Variants in ARHGEF3 observed in about 807,000 individuals in gnomAD.
The protein encoded by ARHGEF3 is Rho guanine nucleotide exchange factor 3.
A neutral mutation model predicts 63.2 loss-of-function variants in ARHGEF3; 28 were observed. The ratio of observed to expected loss-of-function variants is 0.44; its 90% CI spans 0.33 to 0.61. The LOEUF (loss-of-function observed/expected upper bound fraction) is 0.61. ARHGEF3 is among the 20% of genes least tolerant of loss of function. The pLI, the probability that ARHGEF3 is intolerant of heterozygous loss-of-function variation, is 0.03. For missense variants in ARHGEF3, 533 were observed against 659.3 expected (o/e 0.81, Z 2.10); for synonymous variants, 266 against 254.2 (o/e 1.05, Z -0.44).
In ARHGEF3 at chr3:56,977,953, C is replaced by A. The variant is rs1292084217; in HGVS notation, c.63-19064G>T. 2.6e-5 allele frequency among the ~76,000 whole-genome samples: 4 copies of A among 152,136 alleles called. No individual in the cohort carries two copies. In the South Asian group the frequency reaches 8.3e-4, roughly 32 times the overall value. On this transcript the variant is annotated intron_variant, in intron 2 of 12. Coordinates refer to the ARHGEF3 transcript ENST00000338458. ...AAAGAGCAGAAGCCCCTCAGCCTCCCGTCACTGCCCTTCCAGCTCAACAGC... is the reference window on the plus strand; with the variant it reads ...AAAGAGCAGAAGCCCCTCAGCCTCCAGTCACTGCCCTTCCAGCTCAACAGC...
intron 1 of ARHGEF3, chr3:57,075,475 AG>A (rs915596050): frequency 1.0e-4 from 17 of 164,024 alleles, no homozygotes; most frequent in African/African-American, 4.1e-4. Flanking sequence ...AATTAGGAAC[AG>A]TCTTGCCAGT....
In ARHGEF3 at chr3:56,943,477, C is replaced by G. The variant is rs555157771; in HGVS notation, c.129+15346G>C. On this transcript the variant is annotated intron_variant, in intron 3 of 12. Transcript: ENST00000338458. ...ATTACTTTTAAAATATTACTGCTCA[C>G]TGACAATGCATCTGGTCACCCGAGA... is the stretch of plus-strand genomic sequence containing the variant. Among the ~76,000 whole-genome samples, 93 of 152,330 alleles carry G rather than the reference C, an allele frequency of 6.1e-4. 1 individual carries two copies. Among genetic ancestry groups the G allele is most frequent in the Non-Finnish European group, 8.1e-4 (55 of 68,034 alleles).
chr3:56,748,549 ATTT>A (rs71072193), intron 6 of ARHGEF3, among the ~76,000 whole-genome samples: 7,105 of 136,634 alleles, frequency 0.052, 175 homozygotes, highest in Middle Eastern at 0.095. Flanking sequence ...GAAAAAATCT[ATTT>A]TTTTTTTTTT....
chr3:56,941,791 T>TA (rs1434320645), intron 3 of ARHGEF3, among the ~76,000 whole-genome samples: 2 of 152,188 alleles, frequency 1.3e-5, no homozygotes, highest in African/African-American at 4.8e-5. Flanking sequence ...TATTAATATA[T>TA]TTTTTCCCCG....
chr3:56,832,934 C>G (rs1266477858), intron 4 of ARHGEF3, among the ~76,000 whole-genome samples: 1 of 152,204 alleles, frequency 6.6e-6, no homozygotes, highest in African/African-American at 2.4e-5. Context: ...TAAGGTTCAT[C>G]CATGTTGTAG....
intron 1 of ARHGEF3, among the ~76,000 whole-genome samples, chr3:57,039,955 CA>C (rs1237019741): frequency 2.6e-5 from 4 of 152,134 alleles, no homozygotes; most frequent in African/African-American, 7.2e-5. Flanking sequence ...GGGATTAGGT[CA>C]GAAACATCTT....
chr3:56,894,552 G>A (rs2041236213), intron 3 of ARHGEF3, among the ~76,000 whole-genome samples: 1 of 152,064 alleles, frequency 6.6e-6, no homozygotes, highest in African/African-American at 2.4e-5. Context: ...CACTTTGGGA[G>A]GCCAAGCAGG....
At chr3:56,785,926 G>A (rs1467363309) in intron 1 of ARHGEF3, among the ~76,000 whole-genome samples, 1 of 152,178 alleles carries the variant, frequency 6.6e-6, no homozygotes, top group East Asian at 1.9e-4. Flanking sequence ...GTTGGTTTCC[G>A]TTTTTGACAA....
chr3:56,887,327 C>T (rs1172039597), intron 3 of ARHGEF3, among the ~76,000 whole-genome samples: 2 of 152,168 alleles, frequency 1.3e-5, no homozygotes, highest in African/African-American at 4.8e-5. Flanking sequence ...TAGAATAACC[C>T]CATTTCCTTC....
chr3:56,932,914 T>A (rs1009767795), intron 3 of ARHGEF3, among the ~76,000 whole-genome samples: 1 of 152,216 alleles, frequency 6.6e-6, no homozygotes, highest in African/African-American at 2.4e-5. Context: ...TCTTCTTTTA[T>A]CCTTCCAAAC....
intron 1 of ARHGEF3, among the ~76,000 whole-genome samples, chr3:57,054,086 T>C (rs11710867): frequency 0.077 from 11,703 of 152,222 alleles, 698 homozygotes; most frequent in East Asian, 0.3. Context: ...TCAAAATGAT[T>C]TTCCAAAATG....
At chr3:57,063,520 C>T (rs925209397) in intron 1 of ARHGEF3, among the ~76,000 whole-genome samples, 3 of 152,052 alleles carry the variant, frequency 2.0e-5, no homozygotes, top group Admixed American at 1.3e-4. Context: ...CAAGTAGAGT[C>T]TTTTGACAAG....
At chr3:57,027,781 C>A (rs1703535223) in intron 2 of ARHGEF3, among the ~76,000 whole-genome samples, 1 of 152,122 alleles carries the variant, frequency 6.6e-6, no homozygotes, top group Non-Finnish European at 1.5e-5. Context: ...ATCGCTTGAA[C>A]CTGGGAGGTG....
chr3:56,827,135 T>G (rs1200664597), intron 4 of ARHGEF3, among the ~76,000 whole-genome samples: 1 of 152,182 alleles, frequency 6.6e-6, no homozygotes, highest in Non-Finnish European at 1.5e-5. Context: ...AAAATCACTT[T>G]AAACACTTTT....
In ARHGEF3 at chr3:56,923,647, G is replaced by C. The variant is rs1012548762; in HGVS notation, c.129+35176C>G. Among the ~76,000 whole-genome samples the C allele has an allele frequency of 7.9e-5, 12 of 151,970 alleles. No individual in the cohort carries two copies. The East Asian group carries it at 2.3e-3, about 29-fold the overall frequency. On this transcript the variant is annotated intron_variant, in intron 3 of 12. Transcript: ENST00000338458. ...TGAAATCCCTGTATCCATCTAGAAAGTTCAAGACTTTTATGAAAATACCCC... is the reference window on the plus strand; with the variant it reads ...TGAAATCCCTGTATCCATCTAGAAACTTCAAGACTTTTATGAAAATACCCC...
At chr3:56,771,388 G>A (rs1254865580) in intron 2 of ARHGEF3, among the ~76,000 whole-genome samples, 1 of 152,332 alleles carries the variant, frequency 6.6e-6, no homozygotes, top group Middle Eastern at 3.4e-3. Flanking sequence ...GATTTTGAAG[G>A]TATGGTAACA....
chr3:56,882,719 A>G (rs965006475), intron 3 of ARHGEF3, among the ~76,000 whole-genome samples: 3 of 151,974 alleles, frequency 2.0e-5, no homozygotes, highest in African/African-American at 7.3e-5. Context: ...GGGTTTCACC[A>G]TGTTGGTCAG....
chr3:56,759,390 C>T (rs1176898724), intron 2 of ARHGEF3, among the ~76,000 whole-genome samples: 2 of 151,986 alleles, frequency 1.3e-5, no homozygotes, highest in African/African-American at 4.8e-5. Context: ...ATGTTGGTCT[C>T]GATCTCCTGA....
chr3:56,820,855 G>A (rs544954670), intron 4 of ARHGEF3, among the ~76,000 whole-genome samples: 1 of 151,934 alleles, frequency 6.6e-6, no homozygotes, highest in South Asian at 2.1e-4. Flanking sequence ...GATGGGATAA[G>A]GGATGGTGAC....
Sources: gnomAD v4.1 joint callset for allele counts (sites outside exome capture counted in the v4.1 genomes callset) on GRCh38, gnomAD v4.1.1 for gene constraint, MANE v1.5 for transcripts, NCBI Gene and HGNC (gene_info 2026-07-23, HGNC 2026-07-21) for gene names.